LOC128092253: variants seen among roughly 807,000 people sequenced by gnomAD.
the LOC128092253 span, among the ~76,000 whole-genome samples, chr6:133,966,234 G>A: frequency 6.6e-6 from 1 of 152,152 alleles, no homozygotes; most frequent in African/African-American, 2.4e-5. Flanking sequence ...CAAGGCTGGG[G>A]TACAGAAATA....
At chr6:133,976,384 T>C in the LOC128092253 span, among the ~76,000 whole-genome samples, 1 of 152,344 alleles carries the variant, frequency 6.6e-6, no homozygotes, top group African/African-American at 2.4e-5. Context: ...TAAAAGAGTC[T>C]TTCACCTCAA....
the LOC128092253 span, among the ~76,000 whole-genome samples, chr6:133,974,004 C>G: frequency 1.6e-5 from 2 of 124,618 alleles, no homozygotes; most frequent in Non-Finnish European, 3.3e-5. Flanking sequence ...CAGACTTTAC[C>G]AAAAAAAAAA....
chr6:133,965,991 C>G, the LOC128092253 span, among the ~76,000 whole-genome samples: 4 of 152,162 alleles, frequency 2.6e-5, no homozygotes, highest in Admixed American at 2.6e-4. Flanking sequence ...TGTTAACTTA[C>G]CCACAGTCAT....
At chr6:133,958,052 A>AATTGTCAC in the LOC128092253 span, among the ~76,000 whole-genome samples, 16 of 152,138 alleles carry the variant, frequency 1.1e-4, no homozygotes, top group African/African-American at 3.1e-4. Flanking sequence ...TTAAGTTTTG[A>AATTGTCAC]ATTGTCACAC....
chr6:133,967,589 G>A, the LOC128092253 span, among the ~76,000 whole-genome samples: 1 of 152,184 alleles, frequency 6.6e-6, no homozygotes, highest in Non-Finnish European at 1.5e-5. Flanking sequence ...ATGTAGTATA[G>A]CCTATTGCTT....
the LOC128092253 span, among the ~76,000 whole-genome samples, chr6:133,956,037 TC>T: frequency 4.6e-5 from 7 of 152,128 alleles, no homozygotes; most frequent in Non-Finnish European, 1.0e-4. Context: ...TTTAAAAAAA[TC>T]AGAAAATACT....
At chr6:133,955,983 T>A in the LOC128092253 span, among the ~76,000 whole-genome samples, 1 of 152,192 alleles carries the variant, frequency 6.6e-6, no homozygotes, top group Admixed American at 6.5e-5. Context: ...TATAGCTGAA[T>A]GTTTTTGGAG....
At chr6:133,959,820 A>G in the LOC128092253 span, among the ~76,000 whole-genome samples, 1 of 152,236 alleles carries the variant, frequency 6.6e-6, no homozygotes, top group African/African-American at 2.4e-5. Flanking sequence ...TTTCAGGGAC[A>G]GATGTTGCTG....
chr6:133,972,215 T>C, the LOC128092253 span, among the ~76,000 whole-genome samples: 5 of 152,212 alleles, frequency 3.3e-5, no homozygotes, highest in Non-Finnish European at 5.9e-5. Flanking sequence ...AAAAAAAGTC[T>C]GTCTACATAA....
At chr6:133,956,481 C>A in the LOC128092253 span, among the ~76,000 whole-genome samples, 681 of 152,244 alleles carry the variant, frequency 4.5e-3, 4 homozygotes, top group African/African-American at 0.015. Flanking sequence ...TTACATACTG[C>A]CTGGTACTGT....
the LOC128092253 span, among the ~76,000 whole-genome samples, chr6:133,965,304 C>CAT: frequency 6.6e-6 from 1 of 152,102 alleles, no homozygotes; most frequent in Non-Finnish European, 1.5e-5. Context: ...AGTAGGGGCA[C>CAT]ATATAAGACC....
chr6:133,974,625 A>C, the LOC128092253 span, among the ~76,000 whole-genome samples: 1 of 152,206 alleles, frequency 6.6e-6, no homozygotes, highest in African/African-American at 2.4e-5. Flanking sequence ...CCGTGCCCAG[A>C]CGAGTTCAGT....
the LOC128092253 span, among the ~76,000 whole-genome samples, chr6:133,954,911 G>A: frequency 6.6e-6 from 1 of 152,086 alleles, no homozygotes; most frequent in African/African-American, 2.4e-5. Flanking sequence ...CTTCAACTCA[G>A]GCGTTTTCAT....
At chr6:133,977,204 G>A in the LOC128092253 span, among the ~76,000 whole-genome samples, 1 of 152,012 alleles carries the variant, frequency 6.6e-6, no homozygotes, top group Admixed American at 6.6e-5. Context: ...AAAAAGTACT[G>A]ACTTTTTATA....
the LOC128092253 span, among the ~76,000 whole-genome samples, chr6:133,972,024 A>G: frequency 6.6e-6 from 1 of 152,226 alleles, no homozygotes; most frequent in South Asian, 2.1e-4. Flanking sequence ...GATAACTACT[A>G]TACAAGTCTG....
chr6:133,956,755 G>C, the LOC128092253 span, among the ~76,000 whole-genome samples: 3 of 152,300 alleles, frequency 2.0e-5, no homozygotes, highest in East Asian at 5.8e-4. Context: ...ATTACAAGCA[G>C]TGACACTTTC....
chr6:133,968,142 C>G, the LOC128092253 span, among the ~76,000 whole-genome samples: 2 of 151,988 alleles, frequency 1.3e-5, no homozygotes, highest in Non-Finnish European at 2.9e-5. Context: ...GCGCGTGCCA[C>G]CACGCCCAGC....
the LOC128092253 span, among the ~76,000 whole-genome samples, chr6:133,966,011 A>T: frequency 3.3e-5 from 5 of 152,218 alleles, no homozygotes; most frequent in Non-Finnish European, 7.3e-5. Context: ...TATGGCTAAT[A>T]AGTGGTAGAG....
chr6:133,975,355 CAG>C, the LOC128092253 span, among the ~76,000 whole-genome samples: 9 of 151,800 alleles, frequency 5.9e-5, no homozygotes, highest in African/African-American at 2.2e-4. Context: ...TTGAAGAAAA[CAG>C]AGACATGAAT....
Sources: allele counts gnomAD v4.1 joint callset (sites outside exome capture counted in the v4.1 genomes callset), GRCh38; gene constraint gnomAD v4.1.1; transcripts MANE v1.5.